The following PCDH15 variants were observed in gnomAD, a reference collection of about 807,000 sequenced individuals.
The protein encoded by PCDH15 is protocadherin-15.
In PCDH15, 129 loss-of-function variants were observed where a neutral mutation model predicts 178.5. The ratio of observed to expected loss-of-function variants is 0.72; its 90% CI spans 0.63 to 0.84. PCDH15 has a LOEUF of 0.84. Among genes scored for constraint, PCDH15 ranks in the 40% least tolerant of loss-of-function variants. The pLI is 0.00. For missense variants in PCDH15, 2,230 were observed against 2,099.9 expected, an observed-to-expected ratio of 1.06 and a Z score of -1.21; for synonymous variants, 800 against 732.0, an observed-to-expected ratio of 1.09 and a Z score of -1.50.
rs116757376 is a variant in PCDH15 at position 54,125,383 on chromosome 10, G to C, written c.1917+7492C>G. Among the ~76,000 whole-genome samples the C allele has an allele frequency of 4.1e-3, 624 of 152,228 alleles. 5 individuals are homozygous for C. Among genetic ancestry groups the C allele is most frequent in the African/African-American group, 0.014 (596 of 41,534 alleles). On this transcript the variant is annotated intron_variant, in intron 15 of 37. Transcript: ENST00000644397. ...CAGTAGCAAAATTTGTATGTTCTGG[G>C]TGTCAGTGGACACTTTCTGTATAAT...
chr10:55,132,872 C>T (rs115931464), intron 2 of PCDH15, among the ~76,000 whole-genome samples: 1,699 of 152,132 alleles, frequency 0.011, 25 homozygotes, highest in African/African-American at 0.038. Flanking sequence ...CACTGTCTGG[C>T]GAGAAATTTA....
intron 3 of PCDH15, among the ~76,000 whole-genome samples, chr10:54,864,066 G>C (rs1465385817): frequency 1.3e-5 from 2 of 152,060 alleles, no homozygotes; most frequent in Non-Finnish European, 2.9e-5. Flanking sequence ...GTAGCTCCCA[G>C]AAAATCTAAA....
intron 2 of PCDH15, among the ~76,000 whole-genome samples, chr10:55,159,084 T>A (rs1406958521): frequency 6.6e-6 from 1 of 151,982 alleles, no homozygotes. Flanking sequence ...GCTAAATGAC[T>A]TTAGTACAGA....
chr10:55,308,223 G>T (rs2132285722), intron 1 of PCDH15, among the ~76,000 whole-genome samples: 1 of 152,222 alleles, frequency 6.6e-6, no homozygotes, highest in African/African-American at 2.4e-5. Flanking sequence ...ATGGGCCCTT[G>T]GTTTTGAGAT....
At chr10:54,340,106 G>T (rs1218259496) in intron 6 of PCDH15, among the ~76,000 whole-genome samples, 2 of 152,024 alleles carry the variant, frequency 1.3e-5, no homozygotes, top group African/African-American at 4.8e-5. Flanking sequence ...TTGTCTAGAG[G>T]ACTTTTAGAA....
At chr10:54,707,487 A>C (rs1020589716) in intron 1 of PCDH15, among the ~76,000 whole-genome samples, 1 of 152,226 alleles carries the variant, frequency 6.6e-6, no homozygotes, top group Non-Finnish European at 1.5e-5. Flanking sequence ...CCAAGACTTT[A>C]TTCTCAGAAG....
intron 2 of PCDH15, among the ~76,000 whole-genome samples, chr10:54,566,092 A>AC (rs1389312887): frequency 3.3e-5 from 5 of 152,002 alleles, no homozygotes; most frequent in Non-Finnish European, 7.4e-5. Flanking sequence ...CTCAATAAAT[A>AC]AATACATACA....
At chr10:54,629,032 T>C (rs186236460) in intron 2 of PCDH15, among the ~76,000 whole-genome samples, 1 of 152,146 alleles carries the variant, frequency 6.6e-6, no homozygotes, top group Non-Finnish European at 1.5e-5. Context: ...AGAAAGCTTA[T>C]GACAAAATTA....
intron 1 of PCDH15, among the ~76,000 whole-genome samples, chr10:54,779,451 CTCATATATGTGTGTATATATAT>C (rs1950075978): frequency 2.9e-5 from 3 of 103,722 alleles, no homozygotes; most frequent in Admixed American, 9.9e-5. Flanking sequence ...TATATATACA[CTCATATATGTGTGTATATATAT>C]ACACACATAT....
At chr10:54,332,457 C>T (rs1215561755) in intron 6 of PCDH15, among the ~76,000 whole-genome samples, 1 of 143,938 alleles carries the variant, frequency 6.9e-6, no homozygotes, top group Non-Finnish European at 1.5e-5. Context: ...ACACTGTAGG[C>T]CTCTCTCTTC....
intron 3 of PCDH15, among the ~76,000 whole-genome samples, chr10:54,495,467 CATA>C (rs961296059): frequency 1.3e-5 from 2 of 152,028 alleles, no homozygotes; most frequent in Admixed American, 1.3e-4. Flanking sequence ...GAACTCGATC[CATA>C]ATAAGTACTG....
intron 1 of PCDH15, among the ~76,000 whole-genome samples, chr10:54,716,769 C>T (rs1364631879): frequency 6.6e-6 from 1 of 151,438 alleles, no homozygotes. Flanking sequence ...CTTTAAAGTT[C>T]ATATGGAACC....
At chr10:55,246,198 G>T (rs370037250) in intron 1 of PCDH15, among the ~76,000 whole-genome samples, 1 of 152,124 alleles carries the variant, frequency 6.6e-6, no homozygotes, top group Non-Finnish European at 1.5e-5. Flanking sequence ...ACCATAATCG[G>T]CTATGAATAA....
Position 54,556,654 on chromosome 10 carries a change from AT to A in PCDH15, c.92-28778del, listed in dbSNP as rs35389224. 9.5e-3 allele frequency among the ~76,000 whole-genome samples: 1,303 copies of A among 137,450 alleles called. 24 individuals carry two copies. The highest frequency in any genetic ancestry group is 0.031 in the African/African-American group (1,141 of 37,408). 90.2% of individuals were successfully genotyped at this position (137,450 alleles called of 152,430 possible). A position where few individuals can be genotyped will look rare whatever the true frequency, so the allele number is the denominator to read the frequency against. On this transcript the variant is annotated intron_variant, in intron 2 of 37. Coordinates refer to ENST00000644397, the MANE Select transcript of PCDH15 (RefSeq NM_001384140.1). The stretch of plus-strand genomic sequence containing the variant: ...TTTTTTTTTCGGCTGTAGGGGGTGA[AT>A]TTTTTTTTTTTTTCAGTGAGAGCAG...
At chr10:55,357,983 T>A (rs1235826299) in intron 2 of PCDH15, among the ~76,000 whole-genome samples, 2 of 152,046 alleles carry the variant, frequency 1.3e-5, no homozygotes, top group East Asian at 3.9e-4. Context: ...TTGGGTGGAT[T>A]TCCATTTGCA....
chr10:55,218,463 A>C (rs1840771557), intron 1 of PCDH15, among the ~76,000 whole-genome samples: 1 of 151,822 alleles, frequency 6.6e-6, no homozygotes, highest in Non-Finnish European at 1.5e-5. Flanking sequence ...TTTGCCATTG[A>C]CTCTTTTTCT....
At chr10:54,409,129 A>G (rs1953109379) in intron 3 of PCDH15, among the ~76,000 whole-genome samples, 2 of 152,114 alleles carry the variant, frequency 1.3e-5, no homozygotes, top group Admixed American at 1.3e-4. Context: ...ACCATGTGAG[A>G]CATGTATTTT....
At chr10:55,303,014 T>C (rs1313621343) in intron 1 of PCDH15, among the ~76,000 whole-genome samples, 1 of 151,974 alleles carries the variant, frequency 6.6e-6, no homozygotes, top group African/African-American at 2.4e-5. Context: ...ATTACTTAAA[T>C]GCTATGATAT....
upstream of PCDH15, among the ~76,000 whole-genome samples, chr10:55,321,865 A>G (rs983422013): frequency 1.3e-5 from 2 of 152,228 alleles, no homozygotes; most frequent in African/African-American, 4.8e-5. Context: ...AGTTCTAAAC[A>G]TGGAAAGGAA....
Sources: allele counts gnomAD v4.1 joint callset (sites outside exome capture counted in the v4.1 genomes callset), GRCh38; gene constraint gnomAD v4.1.1; transcripts MANE v1.5; gene names NCBI Gene and HGNC (gene_info 2026-07-23, HGNC 2026-07-21).